The following MRC1 variants were observed in gnomAD, a reference collection of about 807,000 sequenced individuals.
MRC1 encodes the protein macrophage mannose receptor 1.
Under a neutral mutation model 102.9 loss-of-function variants are expected in MRC1, and 62 were observed. That is an observed-to-expected ratio of 0.60 (90% CI 0.49 to 0.74). The LOEUF (loss-of-function observed/expected upper bound fraction) is 0.74. MRC1 is among the 30% of genes least tolerant of loss of function. The probability of loss-of-function intolerance (pLI) is 0.00; values close to 1 mark genes in which losing one functional copy is unlikely to be tolerated. For missense variants in MRC1, 1,237 were observed against 862.8 expected (o/e 1.43, Z -5.43); for synonymous variants, 457 against 298.4 (o/e 1.53, Z -5.48).
intron 6 of MRC1, among the ~76,000 whole-genome samples, chr10:17,846,242 G>GA (rs1193211229): frequency 3.2e-4 from 46 of 145,048 alleles, no homozygotes; most frequent in South Asian, 8.7e-4. Context: ...TAGACTTCAA[G>GA]AAAAAAAAAA....
intron 6 of MRC1, among the ~76,000 whole-genome samples, chr10:17,849,232 G>A (rs1213154085): frequency 6.6e-6 from 1 of 150,834 alleles, no homozygotes; most frequent in African/African-American, 2.4e-5. Flanking sequence ...AGCCCAGGAG[G>A]TTGAGGCTGC....
intron 22 of MRC1, among the ~76,000 whole-genome samples, chr10:17,889,564 C>T (rs1589192797): frequency 6.6e-6 from 1 of 152,136 alleles, no homozygotes; most frequent in East Asian, 1.9e-4. Flanking sequence ...CCACTCTTGG[C>T]CTAAAACAAA....
intron 8 of MRC1, 89 bp downstream of exon 8, chr10:17,853,213 T>C (rs1833011799): frequency 1.3e-6 from 1 of 758,470 alleles, no homozygotes; most frequent in African/African-American, 1.7e-5. Flanking sequence ...TTTGTTTAGA[T>C]TGTTTTTATT....
chr10:17,815,832 TC>T (rs1838302218), intron 1 of MRC1, among the ~76,000 whole-genome samples: 1 of 102,266 alleles, frequency 9.8e-6, no homozygotes, highest in Non-Finnish European at 1.9e-5. Context: ...CTTTTTCTTT[TC>T]TTTTTTTTTT....
chr10:17,880,767 T>C, intron 20 of MRC1, 97 bp downstream of exon 20: 4 of 762,106 alleles, frequency 5.2e-6, no homozygotes, highest in Non-Finnish European at 9.7e-6. Context: ...CTCATTACTT[T>C]AGAAAATTTT....
chr10:17,826,554 C>T (rs1391607005), intron 2 of MRC1, among the ~76,000 whole-genome samples: 10 of 152,136 alleles, frequency 6.6e-5, no homozygotes, highest in Non-Finnish European at 1.3e-4. Context: ...AGGATAAATT[C>T]TGAATGTCAG....
At chr10:17,840,087 C>T (rs1838728171) in intron 4 of MRC1, among the ~76,000 whole-genome samples, 2 of 135,854 alleles carry the variant, frequency 1.5e-5, no homozygotes, top group Admixed American at 7.3e-5. Context: ...AAAAAAAGAG[C>T]GGTAATAATA....
chr10:17,837,358 C>A (rs1244897167), intron 4 of MRC1, among the ~76,000 whole-genome samples: 1 of 152,088 alleles, frequency 6.6e-6, no homozygotes, highest in African/African-American at 2.4e-5. Context: ...AAAACTCTGA[C>A]AGGGAATTTA....
intron 22 of MRC1, among the ~76,000 whole-genome samples, chr10:17,889,457 G>A (rs1208653283): frequency 5.3e-5 from 8 of 151,932 alleles, no homozygotes; most frequent in African/African-American, 1.9e-4. Context: ...ATAAAGGCGG[G>A]GTCTTTCTGT....
intron 24 of MRC1, among the ~76,000 whole-genome samples, chr10:17,898,505 C>T (rs1222964902): frequency 6.6e-6 from 1 of 152,192 alleles, no homozygotes; most frequent in Non-Finnish European, 1.5e-5. Flanking sequence ...TGTTAACTCT[C>T]CTATTGCATT....
chr10:17,876,549 C>T (rs1167349536), intron 17 of MRC1, among the ~76,000 whole-genome samples: 4 of 152,108 alleles, frequency 2.6e-5, no homozygotes, highest in Non-Finnish European at 1.5e-5. Context: ...TGCCCAGTCT[C>T]AGAACCATTT....
At chr10:17,866,872 A>G (rs1310545581) in intron 12 of MRC1, 111 bp downstream of exon 12, 17 of 738,146 alleles carry the variant, frequency 2.3e-5, no homozygotes, top group African/African-American at 5.2e-5. Flanking sequence ...CCCAGACTCT[A>G]CCATAGGTAT....
chr10:17,870,595 G>A (rs980040320), intron 13 of MRC1, among the ~76,000 whole-genome samples: 10 of 152,126 alleles, frequency 6.6e-5, no homozygotes, highest in African/African-American at 2.2e-4. Flanking sequence ...AGTTCAAGAT[G>A]CTTAATACGT....
chr10:17,858,267 T>A (rs982502038), intron 9 of MRC1, among the ~76,000 whole-genome samples: 1 of 152,150 alleles, frequency 6.6e-6, no homozygotes, highest in Non-Finnish European at 1.5e-5. Flanking sequence ...TCTCGTGGCC[T>A]TATTTTTGGT....
chr10:17,906,602 GAACCAT>G (rs1833899179), intron 26 of MRC1, among the ~76,000 whole-genome samples: 1 of 151,956 alleles, frequency 6.6e-6, no homozygotes, highest in Non-Finnish European at 1.5e-5. Context: ...ACTGGCCACT[GAACCAT>G]AACTTTTGGA....
intron 4 of MRC1, among the ~76,000 whole-genome samples, chr10:17,837,038 C>G (rs1168035639): frequency 6.6e-6 from 1 of 152,162 alleles, no homozygotes; most frequent in African/African-American, 2.4e-5. Flanking sequence ...AGCAAGTGAT[C>G]TGAGCGGACA....
intron 22 of MRC1, among the ~76,000 whole-genome samples, chr10:17,891,750 C>G (rs1157010868): frequency 2.0e-5 from 3 of 152,206 alleles, no homozygotes; most frequent in African/African-American, 7.2e-5. Context: ...GTTAAAATCT[C>G]TGGTGTCCTT....
At chr10:17,856,093 C>A in intron 8 of MRC1, 149 bp from the exon 9 acceptor site, 1 of 655,188 alleles carries the variant, frequency 1.5e-6, no homozygotes, top group Non-Finnish European at 2.7e-6. Context: ...TCACTTGAAC[C>A]TGGGAGGCAG....
At chr10:17,834,094 A>T (rs1251425679) in intron 4 of MRC1, among the ~76,000 whole-genome samples, 1 of 152,216 alleles carries the variant, frequency 6.6e-6, no homozygotes, top group African/African-American at 2.4e-5. Context: ...GCTAATCTAG[A>T]ATCAGAGTAA....
Sources: allele counts gnomAD v4.1 joint callset (sites outside exome capture counted in the v4.1 genomes callset), GRCh38; gene constraint gnomAD v4.1.1; transcripts MANE v1.5; gene names NCBI Gene and HGNC (gene_info 2026-07-23, HGNC 2026-07-21).